Variants in BCO1 observed in about 807,000 individuals in gnomAD.
BCO1 encodes the protein beta,beta-carotene 15,15'-dioxygenase.
A neutral mutation model predicts 56.3 loss-of-function variants in BCO1; 54 were observed. The observed-to-expected ratio is 0.96, with a 90% CI of 0.77 to 1.20. BCO1 has a LOEUF of 1.20. Among genes scored for constraint, BCO1 ranks in the 50% most tolerant of loss-of-function variants. The pLI is 0.00. For missense variants in BCO1, 801 were observed against 690.9 expected (o/e 1.16, Z -1.79); for synonymous variants, 318 against 266.1 (o/e 1.20, Z -1.90).
chr16:81,288,098 C>T (rs765801553), intron 10 of BCO1, among the ~76,000 whole-genome samples: 9 of 152,250 alleles, frequency 5.9e-5, no homozygotes, highest in South Asian at 2.1e-4. Context: ...GGACATTCGA[C>T]GGGTATAGAG....
At chr16:81,274,467 T>A (rs957437007) in intron 7 of BCO1, among the ~76,000 whole-genome samples, 1 of 152,106 alleles carries the variant, frequency 6.6e-6, no homozygotes, top group African/African-American at 2.4e-5. Flanking sequence ...GGTTTCACCG[T>A]ATTAGCCAGG....
At chr16:81,246,366 AT>A (rs1441133458) in intron 2 of BCO1, among the ~76,000 whole-genome samples, 1 of 152,208 alleles carries the variant, frequency 6.6e-6, no homozygotes, top group East Asian at 1.9e-4. Context: ...GGTTCTAGGG[AT>A]TTGGATGTGG....
At chr16:81,285,188 A>G (rs1908106019) in intron 8 of BCO1, among the ~76,000 whole-genome samples, 1 of 152,218 alleles carries the variant, frequency 6.6e-6, no homozygotes, top group Admixed American at 6.5e-5. Context: ...ACACATATAT[A>G]CACATCAGCA....
chr16:81,264,598 A>T, intron 4 of BCO1, 42 bp from the exon 5 acceptor site: 1 of 1,607,864 alleles, frequency 6.2e-7, no homozygotes, highest in Middle Eastern at 1.7e-4. Context: ...CAGGTTGATT[A>T]TCGTAAATAC....
rs377671978 is a variant in BCO1 at position 81,265,475 on chromosome 16, C to T, written c.619+688C>T. 1.2e-3 allele frequency among the ~76,000 whole-genome samples: 152 copies of T among 132,068 alleles called. 2 individuals carry two copies. Among genetic ancestry groups the T allele is most frequent in the African/African-American group, 3.9e-3 (146 of 37,356 alleles). 86.6% of individuals were successfully genotyped at this position (132,068 alleles called of 152,430 possible). A position where few individuals can be genotyped will look rare whatever the true frequency, so the allele number is the denominator to read the frequency against. The stretch of plus-strand genomic sequence containing the variant: ...CACCACCCATCCACCATCTATCTAC[C>T]CACCCACCCGCCCACCCATCATGAA... On this transcript the variant is annotated intron_variant, in intron 5 of 10. Transcript: ENST00000258168.
intron 7 of BCO1, among the ~76,000 whole-genome samples, chr16:81,276,300 G>A (rs562827276): frequency 1.3e-5 from 2 of 152,340 alleles, no homozygotes; most frequent in South Asian, 4.1e-4. Flanking sequence ...CACAGGGTGA[G>A]TTCACAGGGC....
At chr16:81,274,258 C>CTTTTTTTT (rs755672295) in intron 7 of BCO1, among the ~76,000 whole-genome samples, 1 of 80,534 alleles carries the variant, frequency 1.2e-5, no homozygotes, top group African/African-American at 4.8e-5. Context: ...GCTTGTGTAT[C>CTTTTTTTT]TTTTTTTTTT....
chr16:81,285,453 A>C, intron 8 of BCO1, 87 bp from the exon 9 acceptor site: 1 of 987,734 alleles, frequency 1.0e-6, no homozygotes, highest in African/African-American at 1.6e-5. Flanking sequence ...ACGGATTCTG[A>C]GGAAAGGCTA....
chr16:81,285,434 G>C, intron 8 of BCO1, 106 bp from the exon 9 acceptor site: 1 of 832,298 alleles, frequency 1.2e-6, no homozygotes, highest in Non-Finnish European at 2.1e-6. Context: ...CAAGGATCTT[G>C]GTGTGGAAAC....
chr16:81,253,951 C>G (rs953795307), intron 2 of BCO1, among the ~76,000 whole-genome samples: 2 of 152,186 alleles, frequency 1.3e-5, no homozygotes, highest in East Asian at 3.9e-4. Flanking sequence ...ACAGCAAGAC[C>G]CTGTCTCACA....
At position 81,281,104 on chromosome 16, in the gene BCO1, C is replaced by A; in HGVS notation, c.1207+142C>A. On this transcript the variant is annotated intron_variant, in intron 8 of 10. Transcript: ENST00000258168. ...GGTCTTGGGATGCCCTGGTGAAAAG[C>A]ATCTGGGGACATTTCTCTTTTCTCT... is the stretch of plus-strand genomic sequence containing the variant. The A allele has an allele frequency of 4.4e-6, 3 of 681,866 alleles. No homozygotes were observed. In the South Asian group the frequency reaches 4.9e-5, roughly 11 times the overall value. The allele number at this position is 681,866 out of a possible 1,614,324, so 42.2% of individuals were successfully genotyped here. A position where few individuals can be genotyped will look rare whatever the true frequency, so the allele number is the denominator to read the frequency against.
intron 2 of BCO1, among the ~76,000 whole-genome samples, chr16:81,258,794 A>T (rs1417457215): frequency 2.0e-5 from 3 of 152,220 alleles, no homozygotes; most frequent in African/African-American, 7.2e-5. Flanking sequence ...GTAATTTATA[A>T]AGAAAAGAGG....
Position 81,264,798 on chromosome 16 carries a change from C to G in BCO1, c.619+11C>G, listed in dbSNP as rs1906709635. 1.2e-6 allele frequency: 2 copies of G among 1,614,048 alleles called. No individual in the cohort carries two copies. The highest frequency in any genetic ancestry group is 8.5e-7 in the Non-Finnish European group (1 of 1,179,942). On this transcript the variant is annotated intron_variant, in intron 5 of 10. Coordinates refer to ENST00000258168, the MANE Select transcript of BCO1 (RefSeq NM_017429.3). ...CTGCCACAGTACCAGGTAGGCCACT[C>G]TGGGGAATTGAATAAAACACAAACA...
In BCO1 at chr16:81,285,733, G is replaced by A. The variant is rs80156294; in HGVS notation, c.1302+99G>A. ...CTGAGACGTTGATTAGAAAAGAGGA[G>A]GTCAGAAGGAGTAAGCCTAGGATAA... On this transcript the variant is annotated intron_variant, in intron 9 of 10. Coordinates refer to ENST00000258168, the MANE Select transcript of BCO1 (RefSeq NM_017429.3). The A allele has an allele frequency of 3.0e-3, 2,795 of 927,586 alleles. 52 individuals carry two copies. The African/African-American group carries it at 0.037, about 12-fold the overall frequency. 57.5% of individuals were successfully genotyped at this position (927,586 alleles called of 1,614,324 possible). A position where few individuals can be genotyped will look rare whatever the true frequency, so the allele number is the denominator to read the frequency against.
chr16:81,289,419 A>T (rs1303051139), intron 10 of BCO1, among the ~76,000 whole-genome samples: 1 of 152,160 alleles, frequency 6.6e-6, no homozygotes, highest in Non-Finnish European at 1.5e-5. Context: ...AGGTAGGCAG[A>T]TCGCTTGAGC....
chr16:81,249,428 T>C (rs554508773), intron 2 of BCO1, among the ~76,000 whole-genome samples: 2 of 152,250 alleles, frequency 1.3e-5, no homozygotes, highest in African/African-American at 4.8e-5. Flanking sequence ...GGCTAATTTT[T>C]TGTATTTTTA....
At chr16:81,284,838 TC>T (rs1908083911) in intron 8 of BCO1, among the ~76,000 whole-genome samples, 1 of 150,126 alleles carries the variant, frequency 6.7e-6, no homozygotes, top group African/African-American at 2.5e-5. Context: ...TCTTTTCTTT[TC>T]TTTTTTTTTT....
At chr16:81,249,306 G>C (rs534929145) in intron 2 of BCO1, among the ~76,000 whole-genome samples, 6 of 151,880 alleles carry the variant, frequency 4.0e-5, no homozygotes, top group Admixed American at 2.0e-4. Flanking sequence ...ACCCAGGCTG[G>C]AGTGCAGTGG....
intron 10 of BCO1, among the ~76,000 whole-genome samples, chr16:81,289,932 T>G (rs1165538539): frequency 6.6e-6 from 1 of 152,214 alleles, no homozygotes; most frequent in Non-Finnish European, 1.5e-5. Context: ...TGGCACGATC[T>G]CGGCTCACCG....
Sources: gnomAD v4.1 joint callset for allele counts (sites outside exome capture counted in the v4.1 genomes callset) on GRCh38, gnomAD v4.1.1 for gene constraint, MANE v1.5 for transcripts, NCBI Gene and HGNC (gene_info 2026-07-23, HGNC 2026-07-21) for gene names.